Variants in BMAL1 observed in about 807,000 individuals in gnomAD.
The protein encoded by BMAL1 is basic helix-loop-helix ARNT-like protein 1.
the BMAL1 span, among the ~76,000 whole-genome samples, chr11:13,342,345 C>G: frequency 0.91 from 138,076 of 152,132 alleles, 62,930 homozygotes; most frequent in Admixed American, 0.96. Context: ...GAGCCAAGAG[C>G]CTGGGAAATA....
chr11:13,299,549 C>T, the BMAL1 span, among the ~76,000 whole-genome samples: 15 of 152,054 alleles, frequency 9.9e-5, no homozygotes, highest in Non-Finnish European at 4.4e-5. Context: ...AATGCCAGGG[C>T]AATTACTTTG....
At chr11:13,322,298 A>G in the BMAL1 span, among the ~76,000 whole-genome samples, 9 of 152,324 alleles carry the variant, frequency 5.9e-5, no homozygotes, top group Non-Finnish European at 1.0e-4. Context: ...AAACACCTTC[A>G]TTAGGTACAA....
At chr11:13,334,573 T>C in the BMAL1 span, among the ~76,000 whole-genome samples, 5 of 151,938 alleles carry the variant, frequency 3.3e-5, no homozygotes, top group Middle Eastern at 3.4e-3. Context: ...AATAGGTTTC[T>C]TGTTTAAAGT....
At chr11:13,362,601 C>T in the BMAL1 span, among the ~76,000 whole-genome samples, 6 of 152,072 alleles carry the variant, frequency 3.9e-5, no homozygotes, top group East Asian at 3.9e-4. Context: ...ACCAGGCTCC[C>T]GATCAAGTGA....
At chr11:13,344,107 T>G in the BMAL1 span, among the ~76,000 whole-genome samples, 1 of 151,950 alleles carries the variant, frequency 6.6e-6, no homozygotes, top group African/African-American at 2.4e-5. Context: ...CTCAGGGCAT[T>G]CTCCCTACCA....
the BMAL1 span, among the ~76,000 whole-genome samples, chr11:13,377,620 A>G: frequency 1.3e-5 from 2 of 152,228 alleles, no homozygotes; most frequent in African/African-American, 2.4e-5. Flanking sequence ...TTTTCTGTGT[A>G]TCGTCCTTTG....
the BMAL1 span, chr11:13,381,320 G>A: frequency 6.6e-7 from 1 of 1,525,696 alleles, no homozygotes; most frequent in Non-Finnish European, 9.0e-7. Flanking sequence ...TGTTGGGGGT[G>A]GGAGTATGGA....
At chr11:13,279,495 G>C in the BMAL1 span, among the ~76,000 whole-genome samples, 11 of 152,150 alleles carry the variant, frequency 7.2e-5, no homozygotes, top group Admixed American at 6.5e-4. Flanking sequence ...TTTAATTAAT[G>C]TACCCGTTGA....
chr11:13,325,935 T>A, the BMAL1 span, among the ~76,000 whole-genome samples: 1 of 151,806 alleles, frequency 6.6e-6, no homozygotes, highest in Non-Finnish European at 1.5e-5. Flanking sequence ...CCGGGGGCGG[T>A]GGCTCACATC....
chr11:13,363,733 G>A, the BMAL1 span, among the ~76,000 whole-genome samples: 12 of 152,186 alleles, frequency 7.9e-5, no homozygotes, highest in Admixed American at 2.0e-4. Flanking sequence ...TAGGCAGACC[G>A]TACCAAGGCC....
the BMAL1 span, chr11:13,369,763 A>G: frequency 1.9e-6 from 3 of 1,608,744 alleles, no homozygotes; most frequent in South Asian, 3.3e-5. Context: ...GCTCAAAGAA[A>G]AAAGGTAACA....
chr11:13,297,361 C>T, the BMAL1 span, among the ~76,000 whole-genome samples: 1 of 152,196 alleles, frequency 6.6e-6, no homozygotes, highest in Non-Finnish European at 1.5e-5. Context: ...CTACTGTGTG[C>T]CTGGCATCAT....
the BMAL1 span, among the ~76,000 whole-genome samples, chr11:13,361,432 A>T: frequency 1.3e-5 from 2 of 152,180 alleles, no homozygotes; most frequent in Admixed American, 1.3e-4. Flanking sequence ...CCTCCCACAA[A>T]GTCAGGGCTG....
the BMAL1 span, chr11:13,381,201 T>C: frequency 8.1e-6 from 13 of 1,614,044 alleles, no homozygotes; most frequent in South Asian, 6.6e-5. Flanking sequence ...CTCCAGCCCA[T>C]TGAACATCAC....
chr11:13,356,826 C>A, the BMAL1 span: 146 of 1,613,560 alleles, frequency 9.0e-5, no homozygotes, highest in Non-Finnish European at 1.2e-4. Context: ...TAGCCATTTT[C>A]TTTGCACTGT....
the BMAL1 span, among the ~76,000 whole-genome samples, chr11:13,334,980 A>G: frequency 2.6e-5 from 4 of 152,344 alleles, no homozygotes; most frequent in East Asian, 7.7e-4. Context: ...GATAGCACGC[A>G]TTCCGGTCAC....
chr11:13,362,756 G>A, the BMAL1 span, among the ~76,000 whole-genome samples: 1 of 152,116 alleles, frequency 6.6e-6, no homozygotes, highest in Non-Finnish European at 1.5e-5. Flanking sequence ...GTAGCATCTC[G>A]AGAGCTGCCG....
At chr11:13,360,398 G>A in the BMAL1 span, 17 of 1,613,730 alleles carry the variant, frequency 1.1e-5, no homozygotes, top group Non-Finnish European at 1.4e-5. Context: ...TCTATCAGAC[G>A]ATGAATTGAA....
chr11:13,355,109 C>A, the BMAL1 span: 1 of 838,988 alleles, frequency 1.2e-6, no homozygotes, highest in South Asian at 1.7e-5. Context: ...TTTTGTTTTG[C>A]CGAAGCACCT....
Sources: allele counts gnomAD v4.1 joint callset (sites outside exome capture counted in the v4.1 genomes callset), GRCh38; gene constraint gnomAD v4.1.1; transcripts MANE v1.5; gene names NCBI Gene and HGNC (gene_info 2026-07-23, HGNC 2026-07-21).